CDH9: variants seen among roughly 807,000 people sequenced by gnomAD.
The protein encoded by CDH9 is cadherin-9.
CDH9 carries 28 observed loss-of-function variants against 70.9 expected under a neutral mutation model. That is an observed-to-expected ratio of 0.40 (90% CI 0.29 to 0.54). The LOEUF (loss-of-function observed/expected upper bound fraction) is 0.54. CDH9 is among the 20% of genes least tolerant of loss of function. The pLI, the probability that CDH9 is intolerant of heterozygous loss-of-function variation, is 0.59. For missense variants in CDH9, 874 were observed against 984.4 expected (o/e 0.89, Z 1.50); for synonymous variants, 409 against 343.1 (o/e 1.19, Z -2.12).
At chr5:26,974,276 C>A (rs1742268481) in intron 2 of CDH9, among the ~76,000 whole-genome samples, 1 of 151,862 alleles carries the variant, frequency 6.6e-6, no homozygotes, top group Non-Finnish European at 1.5e-5. Flanking sequence ...TTAAAAAAGG[C>A]CATCTATAGC....
intron 1 of CDH9, among the ~76,000 whole-genome samples, chr5:26,992,115 C>T (rs1742588251): frequency 2.0e-5 from 3 of 152,200 alleles, no homozygotes; most frequent in Admixed American, 2.0e-4. Context: ...GCACGCCCAG[C>T]TCACAATAGG....
At chr5:26,960,158 A>T (rs1048341505) in intron 2 of CDH9, among the ~76,000 whole-genome samples, 2 of 152,028 alleles carry the variant, frequency 1.3e-5, no homozygotes, top group Non-Finnish European at 2.9e-5. Context: ...AAAACAAGAA[A>T]ATCACCTGTC....
intron 1 of CDH9, among the ~76,000 whole-genome samples, chr5:26,994,906 C>T (rs1207181409): frequency 2.6e-5 from 4 of 152,068 alleles, no homozygotes; most frequent in African/African-American, 9.7e-5. Flanking sequence ...TAGCCATCTC[C>T]TCATTCTTTC....
intron 2 of CDH9, among the ~76,000 whole-genome samples, chr5:26,976,595 A>C (rs992107327): frequency 6.6e-6 from 1 of 151,940 alleles, no homozygotes; most frequent in African/African-American, 2.4e-5. Flanking sequence ...AGGACACCAC[A>C]CCAGGCTAAT....
intron 2 of CDH9, among the ~76,000 whole-genome samples, chr5:26,949,132 A>G (rs551554930): frequency 6.6e-6 from 1 of 152,282 alleles, no homozygotes; most frequent in South Asian, 2.1e-4. Flanking sequence ...GTGCATATTT[A>G]TGACTCATAT....
At chr5:27,031,102 C>T (rs1018634468) in intron 1 of CDH9, among the ~76,000 whole-genome samples, 6 of 151,336 alleles carry the variant, frequency 4.0e-5, no homozygotes, top group Admixed American at 3.3e-4. Flanking sequence ...TACAAGGCTG[C>T]TTAACATAAG....
chr5:26,912,019 A>G (rs187829652), intron 3 of CDH9, among the ~76,000 whole-genome samples: 2 of 152,250 alleles, frequency 1.3e-5, no homozygotes, highest in African/African-American at 4.8e-5. Flanking sequence ...AGATAAATAG[A>G]GATCAACAGA....
chr5:26,999,571 C>A (rs1742728438), intron 1 of CDH9, among the ~76,000 whole-genome samples: 1 of 151,888 alleles, frequency 6.6e-6, no homozygotes, highest in South Asian at 2.1e-4. Context: ...AGAATTAGAC[C>A]CACACAAATA....
intron 9 of CDH9, among the ~76,000 whole-genome samples, chr5:26,886,617 C>T (rs6897835): frequency 0.029 from 4,455 of 152,126 alleles, 207 homozygotes; most frequent in African/African-American, 0.1. Flanking sequence ...GCTATGGACA[C>T]CATTACTATA....
At chr5:26,909,444 T>C (rs1217239031) in intron 3 of CDH9, among the ~76,000 whole-genome samples, 1 of 151,580 alleles carries the variant, frequency 6.6e-6, no homozygotes, top group Non-Finnish European at 1.5e-5. Context: ...GATAAAAATA[T>C]AGTAAGTAAA....
intron 2 of CDH9, among the ~76,000 whole-genome samples, chr5:26,956,178 T>C (rs754279754): frequency 3.9e-5 from 6 of 152,088 alleles, no homozygotes; most frequent in Admixed American, 2.0e-4. Context: ...GATAATTGAA[T>C]CATGGGGACA....
intron 2 of CDH9, among the ~76,000 whole-genome samples, chr5:26,941,352 A>G (rs987378429): frequency 6.6e-6 from 1 of 152,200 alleles, no homozygotes; most frequent in Non-Finnish European, 1.5e-5. Context: ...GAGAACTTCC[A>G]GACTCTTTGA....
rs78841350 is a variant in CDH9 at position 26,960,440 on chromosome 5, T to C, written c.228+27666A>G. On this transcript the variant is annotated intron_variant, in intron 2 of 11. Coordinates refer to ENST00000231021, the MANE Select transcript of CDH9 (RefSeq NM_016279.4). ...TAAAGGTTTTCTGTTGAGGATAGCA[T>C]TTTCACATTTCTACATATAAAGACA... Among the ~76,000 whole-genome samples the C allele has an allele frequency of 4.0e-3, 614 of 152,090 alleles. 6 individuals are homozygous for C. Among genetic ancestry groups the C allele is most frequent in the Non-Finnish European group, 5.7e-3 (386 of 67,884 alleles).
chr5:26,968,030 A>T (rs776305497), intron 2 of CDH9, among the ~76,000 whole-genome samples: 4 of 152,088 alleles, frequency 2.6e-5, no homozygotes, highest in South Asian at 2.1e-4. Flanking sequence ...AAATATCATA[A>T]TCTTTTTTGC....
At chr5:26,906,325 G>A (rs1462840341) in intron 4 of CDH9, among the ~76,000 whole-genome samples, 199 bp from the exon 5 acceptor site, 1 of 152,100 alleles carries the variant, frequency 6.6e-6, no homozygotes, top group East Asian at 1.9e-4. Context: ...TTCATGAAAT[G>A]GGTTTTGCTA....
chr5:26,956,197 C>T (rs538150946), intron 2 of CDH9, among the ~76,000 whole-genome samples: 8 of 152,092 alleles, frequency 5.3e-5, no homozygotes, highest in Non-Finnish European at 1.2e-4. Flanking sequence ...CAGGTCTTTC[C>T]TGTGTTGTTC....
chr5:26,925,075 C>T (rs1162974262), intron 2 of CDH9, among the ~76,000 whole-genome samples: 1 of 152,036 alleles, frequency 6.6e-6, no homozygotes, highest in East Asian at 1.9e-4. Flanking sequence ...CCAGTAATGG[C>T]ATCACTGGGT....
At chr5:26,954,388 C>CTTTTCTTTTT (rs1741903891) in intron 2 of CDH9, among the ~76,000 whole-genome samples, 1 of 93,066 alleles carries the variant, frequency 1.1e-5, no homozygotes, top group Non-Finnish European at 1.9e-5. Flanking sequence ...TACAGCCTTT[C>CTTTTCTTTTT]TTTTTTTTTT....
At chr5:27,015,382 T>G (rs1251075254) in intron 1 of CDH9, among the ~76,000 whole-genome samples, 1 of 151,798 alleles carries the variant, frequency 6.6e-6, no homozygotes, top group African/African-American at 2.4e-5. Flanking sequence ...CAGGCTTTAT[T>G]GAAATTACTT....
Sources: allele counts gnomAD v4.1 joint callset (sites outside exome capture counted in the v4.1 genomes callset), GRCh38; gene constraint gnomAD v4.1.1; transcripts MANE v1.5; gene names NCBI Gene and HGNC (gene_info 2026-07-23, HGNC 2026-07-21).